The following ZNF804B variants were observed in gnomAD, a reference collection of about 807,000 sequenced individuals.
ZNF804B encodes the protein zinc finger 804B.
In ZNF804B, 80 loss-of-function variants were observed where a neutral mutation model predicts 101.4. That is an observed-to-expected ratio of 0.79 (90% CI 0.66 to 0.95). The LOEUF is 0.95. Among genes scored for constraint, ZNF804B ranks in the 40% least tolerant of loss-of-function variants. The pLI is 0.00. For missense variants in ZNF804B, 1,673 were observed against 1,561.9 expected (o/e 1.07, Z -1.20); for synonymous variants, 622 against 558.8 (o/e 1.11, Z -1.59).
At chr7:89,179,166 T>C (rs1470362794) in intron 1 of ZNF804B, among the ~76,000 whole-genome samples, 1 of 152,198 alleles carries the variant, frequency 6.6e-6, no homozygotes, top group Non-Finnish European at 1.5e-5. Context: ...CTGCATGGTA[T>C]TTAATAACCT....
chr7:88,776,436 A>T (rs1485553597), intron 1 of ZNF804B, among the ~76,000 whole-genome samples: 3 of 152,132 alleles, frequency 2.0e-5, no homozygotes, highest in African/African-American at 7.2e-5. Flanking sequence ...TGCAAATAGC[A>T]GCCCTGTGTT....
Position 89,336,428 on chromosome 7 carries a change from C to T in ZNF804B, c.3446C>T (p.Thr1149Ile). The T allele has an allele frequency of 6.2e-7, 1 of 1,614,128 alleles. No homozygotes were observed. The highest frequency in any genetic ancestry group is 1.3e-5 in the African/African-American group (1 of 75,032). The stretch of plus-strand genomic sequence containing the variant: ...CCCCCTTTAATTCAACAGCCCATAA[C>T]ATTTTCTCCTGACGAAATAGATAAA... Reference protein sequence around the residue: ...ISPPLIQQPITFSPDEIDKYK... With the variant: ...ISPPLIQQPIIFSPDEIDKYK... The change falls in exon 4 of 4, where the codon ACA (threonine) becomes ATA (isoleucine). Residue 1149 changes from threonine to isoleucine, a missense_variant. Physicochemically the swap from Thr to Ile is moderately conservative, Grantham distance 89. Transcript: ENST00000333190.
At chr7:89,014,419 C>A (rs1329795814) in intron 1 of ZNF804B, among the ~76,000 whole-genome samples, 1 of 152,054 alleles carries the variant, frequency 6.6e-6, no homozygotes, top group African/African-American at 2.4e-5. Flanking sequence ...TGGGTTCATG[C>A]CATTCTCCTG....
chr7:88,819,319 C>T (rs925593299), intron 1 of ZNF804B, among the ~76,000 whole-genome samples: 17 of 151,988 alleles, frequency 1.1e-4, no homozygotes, highest in South Asian at 4.2e-4. Flanking sequence ...TTAGTAGAGA[C>T]GAGGTTTCAC....
At chr7:89,227,955 G>T (rs1020808975) in intron 2 of ZNF804B, among the ~76,000 whole-genome samples, 1 of 152,108 alleles carries the variant, frequency 6.6e-6, no homozygotes, top group Non-Finnish European at 1.5e-5. Context: ...CTATTTCTCT[G>T]TTTTCTTTCA....
At chr7:88,914,038 A>G (rs969124265) in intron 1 of ZNF804B, among the ~76,000 whole-genome samples, 4 of 152,176 alleles carry the variant, frequency 2.6e-5, no homozygotes, top group African/African-American at 9.6e-5. Flanking sequence ...GGTCTGAGAG[A>G]AAGTCCTTCT....
At chr7:88,769,876 A>G (rs550423163) in intron 1 of ZNF804B, among the ~76,000 whole-genome samples, 29 of 152,304 alleles carry the variant, frequency 1.9e-4, no homozygotes, top group South Asian at 1.9e-3. Context: ...GGATGGGACC[A>G]CAGTATGTAA....
chr7:88,998,519 C>T (rs189786763), intron 1 of ZNF804B, among the ~76,000 whole-genome samples: 4 of 152,146 alleles, frequency 2.6e-5, no homozygotes, highest in Admixed American at 2.6e-4. Context: ...ATGATATTAT[C>T]TCCAAATTTA....
At chr7:89,084,825 T>G (rs1789764440) in intron 1 of ZNF804B, among the ~76,000 whole-genome samples, 1 of 151,986 alleles carries the variant, frequency 6.6e-6, no homozygotes, top group Non-Finnish European at 1.5e-5. Context: ...ATTTCTATTT[T>G]TCACATTTTT....
At chr7:89,133,232 A>G (rs10243738) in intron 1 of ZNF804B, among the ~76,000 whole-genome samples, 44,456 of 151,882 alleles carry the variant, frequency 0.29, 7,138 homozygotes, top group East Asian at 0.58. Flanking sequence ...CTGCAAAGGC[A>G]GAACCAGGAT....
At chr7:89,071,250 A>G (rs566218276) in intron 1 of ZNF804B, among the ~76,000 whole-genome samples, 10 of 152,130 alleles carry the variant, frequency 6.6e-5, no homozygotes, top group Non-Finnish European at 1.2e-4. Context: ...CACTCAATTC[A>G]AGGGTTGTCT....
Position 89,336,311 on chromosome 7 carries a change from T to C in ZNF804B, c.3329T>C (p.Val1110Ala), listed in dbSNP as rs372065020. 1.2e-6 allele frequency: 2 copies of C among 1,613,936 alleles called. No homozygotes were observed. The stretch of plus-strand genomic sequence containing the variant: ...GATGTAAGCATGCATATAAATCATG[T>C]AGAGGGAAATATAAACTCTTACTAT... ...LQDVSMHINH[V>A]EGNINSYYDR... is the part of the protein sequence containing the mutation. Residue 1110 changes from valine to alanine, a missense_variant, in exon 4 of 4, where the codon GTA (valine) becomes GCA (alanine). Transcript: ENST00000333190.
chr7:89,099,050 A>G (rs959525191), intron 1 of ZNF804B, among the ~76,000 whole-genome samples: 1 of 147,774 alleles, frequency 6.8e-6, no homozygotes, highest in Non-Finnish European at 1.5e-5. Flanking sequence ...TATATTATAT[A>G]TATATTATAT....
chr7:89,030,462 T>C (rs1469938504), intron 1 of ZNF804B, among the ~76,000 whole-genome samples: 2 of 152,112 alleles, frequency 1.3e-5, no homozygotes, highest in Non-Finnish European at 2.9e-5. Flanking sequence ...TGCTTGATCA[T>C]GACAAAAAAA....
intron 1 of ZNF804B, among the ~76,000 whole-genome samples, chr7:88,885,049 G>A (rs190556040): frequency 6.6e-6 from 1 of 151,948 alleles, no homozygotes; most frequent in East Asian, 1.9e-4. Context: ...ATGCAAAAGA[G>A]GAAGCATTTC....
chr7:88,849,838 AT>A (rs1416354219), intron 1 of ZNF804B, among the ~76,000 whole-genome samples: 8 of 151,952 alleles, frequency 5.3e-5, no homozygotes, highest in African/African-American at 1.9e-4. Context: ...TTTTAAAAAA[AT>A]ATTTGCCTTA....
chr7:89,143,643 T>A (rs1013975486), intron 1 of ZNF804B, among the ~76,000 whole-genome samples: 1 of 151,996 alleles, frequency 6.6e-6, no homozygotes, highest in South Asian at 2.1e-4. Context: ...CTTCCACTAA[T>A]CTTCACCATA....
chr7:88,899,686 A>C (rs1156743091), intron 1 of ZNF804B, among the ~76,000 whole-genome samples: 1 of 152,048 alleles, frequency 6.6e-6, no homozygotes. Context: ...ATTCCAACTT[A>C]CTTCAATTTA....
chr7:89,155,221 C>G (rs1419935169), intron 1 of ZNF804B, among the ~76,000 whole-genome samples: 1 of 152,128 alleles, frequency 6.6e-6, no homozygotes, highest in Non-Finnish European at 1.5e-5. Context: ...TTTGATATCA[C>G]TGGCTGGCTG....
Sources: gnomAD v4.1 joint callset for allele counts (sites outside exome capture counted in the v4.1 genomes callset) on GRCh38, gnomAD v4.1.1 for gene constraint, MANE v1.5 for transcripts, NCBI Gene and HGNC (gene_info 2026-07-23, HGNC 2026-07-21) for gene names.